The following PAPPA variants were observed in gnomAD, a reference collection of about 807,000 sequenced individuals.
PAPPA encodes pappalysin-1.
PAPPA carries 60 observed loss-of-function variants against 164.0 expected under a neutral mutation model. The ratio of observed to expected loss-of-function variants is 0.37; its 90% CI spans 0.30 to 0.45. The LOEUF (loss-of-function observed/expected upper bound fraction) is 0.45, where lower values mean the gene tolerates loss of function less well. Ranked by LOEUF, PAPPA falls within the 20% of genes least tolerant of loss-of-function variation. The pLI is 1.00. For missense variants in PAPPA, 1,782 were observed against 2,087.3 expected (o/e 0.85, Z 2.85); for synonymous variants, 875 against 814.1 (o/e 1.07, Z -1.27).
intron 1 of PAPPA, among the ~76,000 whole-genome samples, chr9:116,186,752 G>A (rs1054587182): frequency 1.3e-5 from 2 of 151,938 alleles, no homozygotes; most frequent in Non-Finnish European, 1.5e-5. Flanking sequence ...TAATTACAAA[G>A]TCCTCTTCCC....
intron 17 of PAPPA, among the ~76,000 whole-genome samples, chr9:116,354,909 T>C (rs533820487): frequency 6.6e-6 from 1 of 151,510 alleles, no homozygotes; most frequent in Admixed American, 6.6e-5. Flanking sequence ...CCTTCCCCCA[T>C]GCCAATAAGA....
chr9:116,222,730 A>G (rs111684711), intron 5 of PAPPA, among the ~76,000 whole-genome samples: 1 of 152,192 alleles, frequency 6.6e-6, no homozygotes, highest in Non-Finnish European at 1.5e-5. Context: ...ATCAAAGGGC[A>G]TAAAGTTTCA....
chr9:116,204,475 T>C (rs907877879), intron 2 of PAPPA, among the ~76,000 whole-genome samples: 1 of 152,160 alleles, frequency 6.6e-6, no homozygotes, highest in African/African-American at 2.4e-5. Context: ...AGTACAGTGG[T>C]ACAATCATAG....
chr9:116,223,485 A>G (rs960690740), intron 5 of PAPPA, among the ~76,000 whole-genome samples: 2 of 152,210 alleles, frequency 1.3e-5, no homozygotes, highest in East Asian at 1.9e-4. Context: ...GCTTCAATCA[A>G]TATGTTTTTA....
In PAPPA at chr9:116,396,568, G is replaced by C. The variant is rs35109458; in HGVS notation, c.4836G>C (p.Gln1612His). Residue 1612 changes from glutamine to histidine, a missense_variant, in exon 22 of 22, where the codon CAG (glutamine) becomes CAC (histidine). Around this residue, in one of 2 missense-constraint regions of PAPPA, gnomAD observed 1,324 missense variants for 1,656.9 expected, o/e 0.80. Coordinates refer to ENST00000328252, the MANE Select transcript of PAPPA (RefSeq NM_002581.5). ...GTGACTGTGCTTGTCGGGACCCCCA[G>C]GCCCAAGAACACAGCCGGAAAGACC... The part of the protein sequence containing the change: ...LQGDCACRDP[Q>H]AQEHSRKDLR... 1,194 of 780,846 alleles carry C rather than the reference G, an allele frequency of 1.5e-3. 1 individual carries two copies. Among genetic ancestry groups the C allele is most frequent in the Non-Finnish European group, 2.5e-3 (1,027 of 417,992 alleles). The allele number at this position is 780,846 out of a possible 1,614,324, so 48.4% of individuals were successfully genotyped here.
chr9:116,219,572 G>A (rs192079654), intron 4 of PAPPA, among the ~76,000 whole-genome samples: 2 of 152,188 alleles, frequency 1.3e-5, no homozygotes, highest in East Asian at 3.9e-4. Flanking sequence ...GGGAGGGAGG[G>A]AGTAATGGAA....
intron 17 of PAPPA, among the ~76,000 whole-genome samples, chr9:116,354,898 C>A (rs1050701644): frequency 6.6e-6 from 1 of 152,030 alleles, no homozygotes; most frequent in South Asian, 2.1e-4. Context: ...ACATTTAAGA[C>A]CCTTCCCCCA....
intron 9 of PAPPA, among the ~76,000 whole-genome samples, chr9:116,277,504 G>T (rs982111193): frequency 2.0e-5 from 3 of 152,008 alleles, no homozygotes; most frequent in African/African-American, 7.3e-5. Context: ...AGCTTGTGTC[G>T]CAGTTTTTTC....
Position 116,347,124 on chromosome 9 carries a change from C to T in PAPPA, c.3879C>T (p.Val1293=). ...GCAGCATCCCAGATCACCATCAAGT[C>T]TATGCTGCCTCCTTCTCCTGCCCTG... The part of the protein sequence containing the change: ...VDCSIPDHHQ[V]YAASFSCPEG... Residue 1293 remains valine, a synonymous_variant, in exon 15 of 22, where the codon GTC becomes GTT. Transcript: ENST00000328252. The surrounding 1 kb of genome is among the most constrained non-coding windows in gnomAD (Gnocchi z 4.5). 3 of 1,614,156 alleles carry T rather than the reference C, an allele frequency of 1.9e-6. No individual in the cohort carries two copies. Among genetic ancestry groups the T allele is most frequent in the Non-Finnish European group, 2.5e-6 (3 of 1,179,976 alleles).
At chr9:116,294,120 A>G (rs1287793560) in intron 9 of PAPPA, among the ~76,000 whole-genome samples, 1 of 152,144 alleles carries the variant, frequency 6.6e-6, no homozygotes, top group African/African-American at 2.4e-5. Flanking sequence ...AGGCTGTGCT[A>G]TAGGTGCCTT....
chr9:116,168,217 G>A (rs946388798), intron 1 of PAPPA, among the ~76,000 whole-genome samples: 1 of 152,148 alleles, frequency 6.6e-6, no homozygotes, highest in African/African-American at 2.4e-5. Flanking sequence ...TATTAGGAAA[G>A]GTAAATGTTC....
chr9:116,350,049 T>G (rs1014600221), intron 15 of PAPPA, among the ~76,000 whole-genome samples: 2 of 152,292 alleles, frequency 1.3e-5, no homozygotes, highest in East Asian at 1.9e-4. Flanking sequence ...TCCGAGTTAT[T>G]GCAACTCTGG....
chr9:116,224,866 C>T (rs1844485863), intron 5 of PAPPA, among the ~76,000 whole-genome samples: 2 of 152,122 alleles, frequency 1.3e-5, no homozygotes, highest in Non-Finnish European at 2.9e-5. Context: ...TGGTATCCTG[C>T]ATGTCTATGA....
intron 7 of PAPPA, among the ~76,000 whole-genome samples, chr9:116,260,448 A>T (rs990084429): frequency 6.6e-6 from 1 of 152,218 alleles, no homozygotes; most frequent in Non-Finnish European, 1.5e-5. Flanking sequence ...GGTTATATAC[A>T]AAGTGCCCAG....
chr9:116,325,795 A>C (rs1845913225), intron 10 of PAPPA, among the ~76,000 whole-genome samples: 1 of 152,230 alleles, frequency 6.6e-6, no homozygotes, highest in Admixed American at 6.5e-5. Context: ...CTACACAGCA[A>C]AAAATAGGAT....
rs908666506 is a variant in PAPPA, at chr9:116,154,169, G to C, written c.-4G>C. On this transcript the variant is annotated 5_prime_UTR_variant, in exon 1 of 22. Coordinates refer to ENST00000328252, the MANE Select transcript of PAPPA (RefSeq NM_002581.5). The surrounding 1 kb of genome is among the most constrained non-coding windows in gnomAD (Gnocchi z 5.2). Reference sequence around the variant, plus strand: ...CGAAGGGGGGGCGGGGGGAACCGTCGGACATGCGGCTCTGGAGTTGGGTGC... The same window carrying C: ...CGAAGGGGGGGCGGGGGGAACCGTCCGACATGCGGCTCTGGAGTTGGGTGC... 7 of 1,482,334 alleles carry C rather than the reference G, an allele frequency of 4.7e-6. No homozygotes were observed. Among genetic ancestry groups the C allele is most frequent in the East Asian group, 2.8e-5 (1 of 35,564 alleles). The allele number at this position is 1,482,334 out of a possible 1,614,324, so 91.8% of individuals were successfully genotyped here.
chr9:116,225,124 T>G (rs553180495), intron 5 of PAPPA, among the ~76,000 whole-genome samples: 2 of 152,300 alleles, frequency 1.3e-5, no homozygotes, highest in South Asian at 4.1e-4. Flanking sequence ...CTAAAGCACA[T>G]AGACGAAATA....
At chr9:116,335,214 C>T in intron 13 of PAPPA, 140 bp downstream of exon 13, 5 of 702,742 alleles carry the variant, frequency 7.1e-6, no homozygotes, top group Non-Finnish European at 1.2e-5. Flanking sequence ...TGGCCTCTGG[C>T]CGGCTCTGCC....
At chr9:116,382,900 G>C (rs963541966) in intron 21 of PAPPA, among the ~76,000 whole-genome samples, 2 of 152,138 alleles carry the variant, frequency 1.3e-5, no homozygotes, top group Non-Finnish European at 2.9e-5. Flanking sequence ...TGGAGCAGGA[G>C]ACTGGCATGT....
Sources: gnomAD v4.1 joint callset for allele counts (sites outside exome capture counted in the v4.1 genomes callset) on GRCh38, gnomAD v4.1.1 for gene constraint, gnomAD v4.1.1 regional missense constraint, Gnocchi (gnomAD v3.1) non-coding constraint, MANE v1.5 for transcripts, NCBI Gene and HGNC (gene_info 2026-07-23, HGNC 2026-07-21) for gene names.